NRXN3: variants seen among roughly 807,000 people sequenced by gnomAD.
The protein encoded by NRXN3 is neurexin 3.
In NRXN3, 32 loss-of-function variants were observed where a neutral mutation model predicts 137.6. The ratio of observed to expected loss-of-function variants is 0.23; its 90% CI spans 0.18 to 0.31. The LOEUF (loss-of-function observed/expected upper bound fraction) is 0.31, where lower values mean the gene tolerates loss of function less well. NRXN3 is among the 10% of genes least tolerant of loss of function. The pLI is 1.00. For synonymous variants in NRXN3, 798 were observed against 784.5 expected, an observed-to-expected ratio of 1.02 and a Z score of -0.29; for missense variants, 1,574 against 2,062.5, an observed-to-expected ratio of 0.76 and a Z score of 4.59.
intron 4 of NRXN3, among the ~76,000 whole-genome samples, chr14:78,525,618 G>T (rs1231137553): frequency 6.6e-6 from 1 of 152,142 alleles, no homozygotes; most frequent in Non-Finnish European, 1.5e-5. Flanking sequence ...TGGACTTCAT[G>T]CCATAATCAC....
intron 15 of NRXN3, among the ~76,000 whole-genome samples, chr14:79,341,528 G>T (rs1308224037): frequency 2.0e-5 from 3 of 152,094 alleles, no homozygotes; most frequent in South Asian, 4.1e-4. Flanking sequence ...CGGAGGCTGT[G>T]GGGGAGACTC....
chr14:78,963,249 A>G (rs769776623), intron 11 of NRXN3, among the ~76,000 whole-genome samples: 48 of 152,236 alleles, frequency 3.2e-4, no homozygotes, highest in South Asian at 1.0e-3. Flanking sequence ...TTCATCCAGA[A>G]TTTCTCTGAA....
chr14:79,161,688 G>T (rs2153065112), intron 15 of NRXN3, among the ~76,000 whole-genome samples: 1 of 152,024 alleles, frequency 6.6e-6, no homozygotes, highest in Non-Finnish European at 1.5e-5. Context: ...ACAAGTATTT[G>T]CTTTGTTCCA....
chr14:79,407,644 G>A (rs1233797533), intron 15 of NRXN3, among the ~76,000 whole-genome samples: 1 of 152,156 alleles, frequency 6.6e-6, no homozygotes, highest in African/African-American at 2.4e-5. Context: ...AGCTGTATGT[G>A]CCTTGGGAGA....
At chr14:78,735,096 T>A (rs1297948841) in intron 8 of NRXN3, among the ~76,000 whole-genome samples, 2 of 152,154 alleles carry the variant, frequency 1.3e-5, no homozygotes, top group African/African-American at 4.8e-5. Flanking sequence ...GACTAGGGCA[T>A]TGACCAGGGA....
chr14:79,618,742 A>G (rs2153893795), intron 16 of NRXN3, among the ~76,000 whole-genome samples: 1 of 152,270 alleles, frequency 6.6e-6, no homozygotes, highest in South Asian at 2.1e-4. Flanking sequence ...GTTGAATGGT[A>G]ATACCATTTT....
chr14:79,655,725 G>T (rs992849265), intron 16 of NRXN3, among the ~76,000 whole-genome samples: 1 of 151,942 alleles, frequency 6.6e-6, no homozygotes, highest in South Asian at 2.1e-4. Context: ...AGCAGCATGC[G>T]TGGCCTCGAC....
intron 19 of NRXN3, among the ~76,000 whole-genome samples, chr14:79,759,093 A>C (rs571835706): frequency 6.6e-6 from 1 of 152,320 alleles, no homozygotes; most frequent in East Asian, 1.9e-4. Flanking sequence ...AGATTTTTTT[A>C]GATAGTGGCA....
chr14:78,666,159 G>A (rs1385056086), intron 6 of NRXN3, among the ~76,000 whole-genome samples: 1 of 152,162 alleles, frequency 6.6e-6, no homozygotes, highest in South Asian at 2.1e-4. Context: ...AATTTTAAGG[G>A]CATGCTACAG....
rs10137670 is a variant in NRXN3 at position 78,692,678 on chromosome 14, G to A, written c.1222-16539G>A. 2.4e-3 allele frequency among the ~76,000 whole-genome samples: 361 copies of A among 152,322 alleles called. 1 individual carries two copies. The highest frequency in any genetic ancestry group is 8.2e-3 in the African/African-American group (342 of 41,562). ...CCTCTGCCACATAAAAGCTTTGTGAGCTTGGACAAGTCATTTACTTCTCTC... is the reference window on the plus strand; with the variant it reads ...CCTCTGCCACATAAAAGCTTTGTGAACTTGGACAAGTCATTTACTTCTCTC... On this transcript the variant is annotated intron_variant, in intron 6 of 20. Transcript: ENST00000335750.
intron 4 of NRXN3, among the ~76,000 whole-genome samples, chr14:78,477,155 C>T (rs977420522): frequency 1.3e-5 from 2 of 152,208 alleles, no homozygotes; most frequent in Non-Finnish European, 2.9e-5. Context: ...TGCAGGTCTT[C>T]ACTATTGTCT....
chr14:79,706,659 T>C (rs536877379), intron 19 of NRXN3, among the ~76,000 whole-genome samples: 1 of 152,244 alleles, frequency 6.6e-6, no homozygotes, highest in East Asian at 1.9e-4. Flanking sequence ...TGGCCAGATA[T>C]GCTGGCTCCT....
intron 15 of NRXN3, among the ~76,000 whole-genome samples, chr14:79,206,289 C>T (rs181439887): frequency 2.0e-5 from 3 of 152,256 alleles, no homozygotes; most frequent in Admixed American, 6.5e-5. Context: ...CAAGGGCCTT[C>T]GGAGGCAGGT....
At chr14:79,762,468 T>G (rs1336739863) in intron 19 of NRXN3, among the ~76,000 whole-genome samples, 1 of 45,432 alleles carries the variant, frequency 2.2e-5, no homozygotes, top group Non-Finnish European at 6.4e-5. Flanking sequence ...CTGGCTTCAC[T>G]TTTTTTTTTT....
At chr14:78,840,394 TC>T (rs2099008986) in intron 10 of NRXN3, among the ~76,000 whole-genome samples, 1 of 152,160 alleles carries the variant, frequency 6.6e-6, no homozygotes, top group African/African-American at 2.4e-5. Context: ...AGAGATTGGA[TC>T]AATATATAAA....
intron 15 of NRXN3, among the ~76,000 whole-genome samples, chr14:79,125,688 T>C (rs1327584676): frequency 6.6e-6 from 1 of 152,190 alleles, no homozygotes; most frequent in African/African-American, 2.4e-5. Context: ...CTATATACTT[T>C]ACTCTTAGCC....
chr14:79,614,965 A>G (rs1396956830), intron 16 of NRXN3, among the ~76,000 whole-genome samples: 1 of 152,212 alleles, frequency 6.6e-6, no homozygotes, highest in African/African-American at 2.4e-5. Context: ...AAGTGGAGGT[A>G]TTAAAACTAG....
At chr14:79,795,956 G>A (rs2099159829) in intron 19 of NRXN3, among the ~76,000 whole-genome samples, 1 of 152,086 alleles carries the variant, frequency 6.6e-6, no homozygotes, top group Non-Finnish European at 1.5e-5. Context: ...AAAAGGGAGG[G>A]AAAAAAGTAG....
At chr14:78,312,188 C>G (rs1050961299) in intron 4 of NRXN3, among the ~76,000 whole-genome samples, 2 of 152,110 alleles carry the variant, frequency 1.3e-5, no homozygotes, top group Non-Finnish European at 2.9e-5. Flanking sequence ...TGCAAACTTT[C>G]TAAAAAAGGT....
Sources: gnomAD v4.1 joint callset for allele counts (sites outside exome capture counted in the v4.1 genomes callset) on GRCh38, gnomAD v4.1.1 for gene constraint, MANE v1.5 for transcripts, NCBI Gene and HGNC (gene_info 2026-07-23, HGNC 2026-07-21) for gene names.